The following OTUB2 variants were observed in gnomAD, a reference collection of about 807,000 sequenced individuals.
OTUB2 encodes OTU deubiquitinase, ubiquitin aldehyde binding 2.
In OTUB2, 21 loss-of-function variants were observed where a neutral mutation model predicts 25.1. The ratio of observed to expected loss-of-function variants is 0.84; its 90% confidence interval spans 0.59 to 1.21. The LOEUF (loss-of-function observed/expected upper bound fraction) is 1.21, where lower values mean the gene tolerates loss of function less well. Among genes scored for constraint, OTUB2 ranks in the 50% most tolerant of loss-of-function variants. The pLI is 0.00. For synonymous variants in OTUB2, 122 were observed against 122.8 expected (o/e 0.99, Z 0.04); for missense variants, 283 against 298.0 (o/e 0.95, Z 0.37).
At chr14:94,041,293 C>T (rs1026166927) in intron 3 of OTUB2, among the ~76,000 whole-genome samples, 1 of 151,976 alleles carries the variant, frequency 6.6e-6, no homozygotes, top group African/African-American at 2.4e-5. Flanking sequence ...CTGTGTTTTG[C>T]GATGCTGTCT....
intron 3 of OTUB2, among the ~76,000 whole-genome samples, chr14:94,040,393 C>G (rs546316067): frequency 5.9e-5 from 9 of 152,344 alleles, no homozygotes; most frequent in African/African-American, 2.2e-4. Context: ...CGACCCATGT[C>G]CCCTGGAGTT....
Position 94,036,736 on chromosome 14 carries a change from C to T in OTUB2, c.4-644C>T, listed in dbSNP as rs182705048. Among the ~76,000 whole-genome samples the T allele has an allele frequency of 3.3e-3, 506 of 152,248 alleles. 1 individual carries two copies. Among genetic ancestry groups the T allele is most frequent in the Non-Finnish European group, 5.4e-3 (367 of 68,022 alleles). On this transcript the variant is annotated intron_variant, in intron 1 of 5. Transcript: ENST00000203664. ...AGAGCTGGGCTGTAGTGTAAACTTT[C>T]GCCGGTAGGTGGTGCATGAAGATGC...
In OTUB2 at chr14:94,044,468, G is replaced by C. The variant is rs558620571; in HGVS notation, c.304-118G>C. On this transcript the variant is annotated intron_variant, in intron 4 of 5. Coordinates refer to ENST00000203664, the MANE Select transcript of OTUB2 (RefSeq NM_023112.4). ...AGACTGATTTTCTAACTCAACCTGA[G>C]AATCTACAAATGAAAATGCACGTGA... The C allele has an allele frequency of 3.2e-5, 34 of 1,068,386 alleles. 1 individual carries two copies. The African/African-American group carries it at 4.5e-4, about 14-fold the overall frequency. The allele number at this position is 1,068,386 out of a possible 1,614,324, so 66.2% of individuals were successfully genotyped here.
At chr14:94,027,492 G>T (rs764435278) in intron 1 of OTUB2, among the ~76,000 whole-genome samples, 1 of 152,222 alleles carries the variant, frequency 6.6e-6, no homozygotes, top group African/African-American at 2.4e-5. Flanking sequence ...GTTGGAAAGC[G>T]AAGAGGCTTT....
In OTUB2 at chr14:94,037,506, G is replaced by A. The variant is rs114454135; in HGVS notation, c.99+31G>A. The A allele has an allele frequency of 8.9e-4, 1,328 of 1,495,948 alleles. 5 individuals are homozygous for A. The African/African-American group carries it at 0.016, about 18-fold the overall frequency. The allele number at this position is 1,495,948 out of a possible 1,614,324, so 92.7% of individuals were successfully genotyped here. A position where few individuals can be genotyped will look rare whatever the true frequency, so the allele number is the denominator to read the frequency against. On this transcript the variant is annotated intron_variant, in intron 2 of 5. Coordinates refer to ENST00000203664, the MANE Select transcript of OTUB2 (RefSeq NM_023112.4). ...GCAGAGGGCAGGGAGAAGAGCATCCGAAACTAAACAGGCTGGAGTTGGGAG... is the reference window on the plus strand; with the variant it reads ...GCAGAGGGCAGGGAGAAGAGCATCCAAAACTAAACAGGCTGGAGTTGGGAG...
intron 1 of OTUB2, among the ~76,000 whole-genome samples, chr14:94,030,268 C>T (rs951815170): frequency 1.4e-5 from 2 of 140,000 alleles, no homozygotes; most frequent in Non-Finnish European, 3.1e-5. Flanking sequence ...ATGGGGAGGT[C>T]GGGGAGAGAG....
intron 3 of OTUB2, among the ~76,000 whole-genome samples, chr14:94,042,940 C>T (rs1885191425): frequency 6.6e-6 from 1 of 152,212 alleles, no homozygotes; most frequent in African/African-American, 2.4e-5. Flanking sequence ...CCAGCACAGG[C>T]TCCATCCCTC....
intron 3 of OTUB2, among the ~76,000 whole-genome samples, chr14:94,039,799 G>T (rs1885124699): frequency 6.6e-6 from 1 of 152,126 alleles, no homozygotes. Flanking sequence ...CTTAACCTTT[G>T]GGGGTCTCAG....
In OTUB2 at chr14:94,046,676, G is replaced by A. The variant is rs1885283915; in HGVS notation, c.*754G>A. On this transcript the variant is annotated 3_prime_UTR_variant, in exon 6 of 6. Coordinates refer to ENST00000203664, the MANE Select transcript of OTUB2 (RefSeq NM_023112.4). ...CCTGGACAGAGGCTTACAAGACTAG[G>A]GTCTGGACCAGAATCTGTGTATTTC... The A allele has an allele frequency of 6.6e-6, 1 of 152,550 alleles. No individual in the cohort carries two copies. Among genetic ancestry groups the A allele is most frequent in the Non-Finnish European group, 1.5e-5 (1 of 68,094 alleles). The allele number at this position is 152,550 out of a possible 1,614,324, so 9.4% of individuals were successfully genotyped here. A position where few individuals can be genotyped will look rare whatever the true frequency, so the allele number is the denominator to read the frequency against.
At chr14:94,043,827 T>G (rs1885207947) in intron 3 of OTUB2, 144 bp from the exon 4 acceptor site, 1 of 740,242 alleles carries the variant, frequency 1.4e-6, no homozygotes, top group Non-Finnish European at 2.4e-6. Context: ...TGTGGCTGTG[T>G]GTTGGGGGCA....
At position 94,026,364 on chromosome 14, in the gene OTUB2, A is replaced by G. The variant is rs1884857687; in HGVS notation, c.-174A>G. On this transcript the variant is annotated 5_prime_UTR_variant, in exon 1 of 6. Transcript: ENST00000203664. ...CAGGGCGTGTGTCTTGCTGGGACAC[A>G]GTGGAGGTCTAACCTTTGGTTTGCG... is the stretch of plus-strand genomic sequence containing the variant. 8.1e-7 allele frequency: 1 copy of G among 1,234,752 alleles called. No homozygotes were observed. The highest frequency in any genetic ancestry group is 1.6e-5 in the African/African-American group (1 of 64,144). 76.5% of individuals were successfully genotyped at this position (1,234,752 alleles called of 1,614,324 possible).
chr14:94,044,854 T>C, intron 5 of OTUB2, 74 bp downstream of exon 5: 1 of 1,444,024 alleles, frequency 6.9e-7, no homozygotes, highest in Non-Finnish European at 9.3e-7. Context: ...TCAGCACCCA[T>C]CCGTAGCCAA....
intron 1 of OTUB2, among the ~76,000 whole-genome samples, chr14:94,034,392 A>T (rs1885012592): frequency 2.0e-5 from 3 of 152,100 alleles, no homozygotes; most frequent in Non-Finnish European, 4.4e-5. Context: ...CCCTGTGTGG[A>T]ATGTTCCTTT....
chr14:94,030,141 C>T (rs903297569), intron 1 of OTUB2, among the ~76,000 whole-genome samples: 1 of 152,092 alleles, frequency 6.6e-6, no homozygotes, highest in African/African-American at 2.4e-5. Context: ...GGTTAAGCAG[C>T]TTGTATTGGC....
At position 94,045,726 on chromosome 14, in the gene OTUB2, C is replaced by T; in HGVS notation, c.509C>T (p.Pro170Leu). 2 of 1,614,132 alleles carry T rather than the reference C, an allele frequency of 1.2e-6. No individual in the cohort carries two copies. Among genetic ancestry groups the T allele is most frequent in the Non-Finnish European group, 1.7e-6 (2 of 1,180,014 alleles). Reference sequence around the variant, plus strand: ...TTTTGGCCCCTGCAGGAAGTAGAGCCCATGGCCACGGAGTGTGACCACATC... The same window carrying T: ...TTTTGGCCCCTGCAGGAAGTAGAGCTCATGGCCACGGAGTGTGACCACATC... The part of the protein sequence containing the change: ...IKDFCTHEVE[P>L]MATECDHIQI... Residue 170 changes from proline to leucine, a missense_variant, in exon 6 of 6, where the codon CCC becomes CTC. Pro to Leu is a moderately conservative substitution (Grantham distance 98). Coordinates refer to ENST00000203664, the MANE Select transcript of OTUB2 (RefSeq NM_023112.4).
At chr14:94,038,427 A>C (rs1885097341) in intron 2 of OTUB2, among the ~76,000 whole-genome samples, 1 of 152,186 alleles carries the variant, frequency 6.6e-6, no homozygotes, top group Non-Finnish European at 1.5e-5. Flanking sequence ...AGGAACTCCA[A>C]GACCCCTTGA....
chr14:94,031,099 G>A (rs535326761), intron 1 of OTUB2, among the ~76,000 whole-genome samples: 4 of 152,116 alleles, frequency 2.6e-5, no homozygotes, highest in East Asian at 1.9e-4. Flanking sequence ...GATTATCATC[G>A]CTCACCTCAT....
At position 94,046,154 on chromosome 14, in the gene OTUB2, C is replaced by G; in HGVS notation, c.*232C>G. On this transcript the variant is annotated 3_prime_UTR_variant, in exon 6 of 6. Coordinates refer to ENST00000203664, the MANE Select transcript of OTUB2 (RefSeq NM_023112.4). ...ATGCTTTCTAACTGGGCCCCCGACT[C>G]CGCACCCCAGTTCGCAGTGAGGCCC... is the stretch of plus-strand genomic sequence containing the variant. The G allele has an allele frequency of 1.6e-6, 1 of 607,124 alleles. No individual in the cohort carries two copies. The highest frequency in any genetic ancestry group is 2.9e-6 in the Non-Finnish European group (1 of 346,150). 37.6% of individuals were successfully genotyped at this position (607,124 alleles called of 1,614,324 possible).
chr14:94,040,613 C>A (rs752732672), intron 3 of OTUB2, among the ~76,000 whole-genome samples: 3 of 152,210 alleles, frequency 2.0e-5, no homozygotes, highest in Admixed American at 6.5e-5. Context: ...CACCAGCCCA[C>A]GTGCTCTGTT....
Sources: gnomAD v4.1 joint callset for allele counts (sites outside exome capture counted in the v4.1 genomes callset) on GRCh38, gnomAD v4.1.1 for gene constraint, MANE v1.5 for transcripts, NCBI Gene and HGNC (gene_info 2026-07-23, HGNC 2026-07-21) for gene names.